Variants in PDPR observed in about 807,000 individuals in gnomAD.
PDPR encodes the protein pyruvate dehydrogenase phosphatase regulatory subunit.
A neutral mutation model predicts 102.2 loss-of-function variants in PDPR; 50 were observed. The ratio of observed to expected loss-of-function variants is 0.49; its 90% CI spans 0.39 to 0.62. The LOEUF (loss-of-function observed/expected upper bound fraction) is 0.62. Ranked by LOEUF, PDPR falls within the 20% of genes least tolerant of loss-of-function variation. The probability of loss-of-function intolerance (pLI) is 0.00; values close to 1 mark genes in which losing one functional copy is unlikely to be tolerated. For missense variants in PDPR, 625 were observed against 1,098.2 expected, an observed-to-expected ratio of 0.57 and a Z score of 6.09; for synonymous variants, 259 against 406.0, an observed-to-expected ratio of 0.64 and a Z score of 4.35.
intron 2 of PDPR, among the ~76,000 whole-genome samples, chr16:70,115,624 C>T (rs1302741246): frequency 6.6e-6 from 1 of 152,168 alleles, no homozygotes; most frequent in African/African-American, 2.4e-5. Flanking sequence ...TTCCTTGTGA[C>T]CGGCAGTCCA....
Position 70,142,682 on chromosome 16 carries a change from T to C in PDPR, c.1601T>C (p.Ile534Thr), listed in dbSNP as rs559908367. Residue 534 changes from isoleucine (I) to threonine (T), a missense_variant, in exon 13 of 19, where the codon ATA becomes ACA. By Grantham distance (89) the Ile-to-Thr change is moderately conservative. Transcript: ENST00000288050. ...IDMSSFTKFE[I>T]TSTGDQALEV... ...ATGTCCTCTTTCACAAAGTTTGAGA[T>C]AACAGTAAGTATTTGGGAACCAAAA... is the stretch of plus-strand genomic sequence containing the variant. The C allele has an allele frequency of 1.2e-6, 2 of 1,614,090 alleles. No individual in the cohort carries two copies. The highest frequency in any genetic ancestry group is 1.3e-5 in the African/African-American group (1 of 75,086).
At chr16:70,149,869 C>T (rs1053378371) in intron 17 of PDPR, among the ~76,000 whole-genome samples, 1 of 152,248 alleles carries the variant, frequency 6.6e-6, no homozygotes, top group Non-Finnish European at 1.5e-5. Context: ...CGGCTCACTG[C>T]AAGCTCCGCC....
chr16:70,131,839 C>A (rs1382900038), intron 8 of PDPR: 2 of 1,409,886 alleles, frequency 1.4e-6, no homozygotes, highest in East Asian at 4.0e-5. Context: ...TCTGCAACCC[C>A]CCTCTCTGTT....
At chr16:70,139,331 A>C (rs1477955183) in intron 11 of PDPR, among the ~76,000 whole-genome samples, 3 of 152,164 alleles carry the variant, frequency 2.0e-5, no homozygotes, top group Admixed American at 1.3e-4. Flanking sequence ...GCCTTGAGAG[A>C]CCGTATGTCG....
intron 14 of PDPR, 149 bp downstream of exon 14, chr16:70,143,807 T>A: frequency 1.1e-6 from 1 of 913,396 alleles, no homozygotes; most frequent in Non-Finnish European, 1.6e-6. Flanking sequence ...TTATTAGCAG[T>A]CCTAAACAAA....
chr16:70,148,185 TTGTGCTTGTC>T (rs1966392949), intron 16 of PDPR, among the ~76,000 whole-genome samples: 1 of 152,232 alleles, frequency 6.6e-6, no homozygotes, highest in African/African-American at 2.4e-5. Context: ...GAGGAATATT[TTGTGCTTGTC>T]AAGGACTTTC....
intron 10 of PDPR, among the ~76,000 whole-genome samples, chr16:70,137,213 G>A (rs191252140): frequency 2.8e-4 from 42 of 152,300 alleles, no homozygotes; most frequent in Non-Finnish European, 4.7e-4. Flanking sequence ...AAAATTAGCC[G>A]GGCGTTGTGG....
intron 17 of PDPR, among the ~76,000 whole-genome samples, chr16:70,150,992 T>C (rs1246493109): frequency 6.6e-6 from 1 of 152,206 alleles, no homozygotes; most frequent in Non-Finnish European, 1.5e-5. Context: ...TGGAGTGTAG[T>C]GGCATGATCT....
chr16:70,133,421 C>CTTTTTTTTTTTTTTTTT lies in PDPR; in HGVS notation c.997+1134_997+1135insTTTTTTTTTTTTTTTTT, dbSNP rs1162339028. ...ACAGGCATGAGCCACTGCGTCTGGC[C>CTTTTTTTTTTTTTTTTT]TTTTTTTTTTTTTGAGATAAGAGTC... On this transcript the variant is annotated intron_variant, in intron 9 of 18. Transcript: ENST00000288050. 4.1e-3 allele frequency among the ~76,000 whole-genome samples: 427 copies of CTTTTTTTTTTTTTTTTT among 103,444 alleles called. 59 individuals are homozygous for CTTTTTTTTTTTTTTTTT. Among genetic ancestry groups the CTTTTTTTTTTTTTTTTT allele is most frequent in the Middle Eastern group, 0.014 (2 of 144 alleles). The allele number at this position is 103,444 out of a possible 152,430, so 67.9% of individuals were successfully genotyped here. A position where few individuals can be genotyped will look rare whatever the true frequency, so the allele number is the denominator to read the frequency against.
chr16:70,136,698 G>A (rs1412623203), intron 10 of PDPR, among the ~76,000 whole-genome samples: 2 of 152,168 alleles, frequency 1.3e-5, no homozygotes, highest in African/African-American at 4.8e-5. Context: ...ATTTGAGTTT[G>A]GTAGCCAAGT....
chr16:70,141,109 C>T (rs772491956), intron 11 of PDPR, among the ~76,000 whole-genome samples: 35 of 152,248 alleles, frequency 2.3e-4, no homozygotes, highest in African/African-American at 5.3e-4. Context: ...GCTGGAGTGC[C>T]GTGGCGTGAT....
At chr16:70,116,167 C>G (rs1034117470) in intron 2 of PDPR, among the ~76,000 whole-genome samples, 2 of 147,634 alleles carry the variant, frequency 1.4e-5, no homozygotes, top group Non-Finnish European at 3.0e-5. Context: ...GCCTCCATCT[C>G]CCTGGTTGAA....
chr16:70,121,068 G>T (rs1963213723), intron 3 of PDPR, among the ~76,000 whole-genome samples: 1 of 151,350 alleles, frequency 6.6e-6, no homozygotes, highest in Admixed American at 6.6e-5. Context: ...GGGACTACAG[G>T]CATGACCCAC....
At chr16:70,125,574 A>AAAAAAAAAG (rs1963871688) in intron 3 of PDPR, among the ~76,000 whole-genome samples, 1 of 82,876 alleles carries the variant, frequency 1.2e-5, no homozygotes, top group African/African-American at 4.1e-5. Context: ...AAAAAAAAAA[A>AAAAAAAAAG]GTATATATAT....
chr16:70,127,517 T>G (rs540710256), intron 4 of PDPR, 124 bp downstream of exon 4: 1 of 1,513,110 alleles, frequency 6.6e-7, no homozygotes, highest in Admixed American at 2.1e-5. Context: ...TGGCCGGGCA[T>G]GGTGGCTCAC....
chr16:70,141,802 A>G (rs546165168), intron 11 of PDPR, among the ~76,000 whole-genome samples: 38 of 152,390 alleles, frequency 2.5e-4, no homozygotes, highest in Non-Finnish European at 4.8e-4. Context: ...ATTAGACTAC[A>G]TTAGCCTGGA....
intron 18 of PDPR, among the ~76,000 whole-genome samples, 164 bp downstream of exon 18, chr16:70,153,737 T>C (rs1431639992): frequency 6.6e-6 from 1 of 152,400 alleles, no homozygotes; most frequent in South Asian, 2.1e-4. Context: ...ATGAAAACTT[T>C]ATAGGATAAA....
intron 3 of PDPR, among the ~76,000 whole-genome samples, chr16:70,123,802 C>T (rs1304902121): frequency 6.6e-6 from 1 of 152,272 alleles, no homozygotes; most frequent in Non-Finnish European, 1.5e-5. Flanking sequence ...CCTGTAATCC[C>T]AGGACTTTGG....
chr16:70,131,815 T>G, intron 8 of PDPR: 1 of 1,384,606 alleles, frequency 7.2e-7, no homozygotes, highest in South Asian at 1.3e-5. Context: ...ACGGTCTTCA[T>G]GCCTAGAATG....
Sources: gnomAD v4.1 joint callset for allele counts (sites outside exome capture counted in the v4.1 genomes callset) on GRCh38, gnomAD v4.1.1 for gene constraint, MANE v1.5 for transcripts, NCBI Gene and HGNC (gene_info 2026-07-23, HGNC 2026-07-21) for gene names.